The following PCSK2 variants were observed in gnomAD, a reference collection of about 807,000 sequenced individuals.
PCSK2 encodes the protein neuroendocrine convertase 2.
Under a neutral mutation model 69.7 loss-of-function variants are expected in PCSK2, and 14 were observed. The observed-to-expected ratio is 0.20, with a 90% confidence interval of 0.13 to 0.31. The LOEUF (loss-of-function observed/expected upper bound fraction) is 0.31. Among genes scored for constraint, PCSK2 ranks in the 10% least tolerant of loss-of-function variants. The pLI is 1.00. For synonymous variants in PCSK2, 307 were observed against 320.7 expected (o/e 0.96, Z 0.46); for missense variants, 544 against 842.5 (o/e 0.65, Z 4.39).
chr20:17,414,217 C>T lies in PCSK2; in HGVS notation c.620+4878C>T, dbSNP rs367871243. 5.8e-4 allele frequency among the ~76,000 whole-genome samples: 89 copies of T among 152,138 alleles called. 1 individual carries two copies. In the East Asian group the frequency reaches 0.016, roughly 28 times the overall value. ...CTGAAGGAGCTAGAGACACAAAAAA[C>T]CCTTCAAAAAAAATCGATGAATCCA... On this transcript the variant is annotated intron_variant, in intron 6 of 11. Transcript: ENST00000262545.
chr20:17,283,966 C>T (rs1042040708), intron 2 of PCSK2, among the ~76,000 whole-genome samples: 1 of 152,180 alleles, frequency 6.6e-6, no homozygotes. Context: ...CCAGAATCCA[C>T]ATTTCCCATA....
chr20:17,323,456 C>T (rs535387409), intron 2 of PCSK2, among the ~76,000 whole-genome samples: 1 of 152,198 alleles, frequency 6.6e-6, no homozygotes, highest in Admixed American at 6.5e-5. Context: ...TTCTCACAGC[C>T]CTAGCAAACT....
intron 6 of PCSK2, among the ~76,000 whole-genome samples, chr20:17,413,811 A>G (rs2031934155): frequency 6.6e-6 from 1 of 152,240 alleles, no homozygotes; most frequent in Non-Finnish European, 1.5e-5. Context: ...ATGTAAAAGA[A>G]AAGAAATCAC....
intron 2 of PCSK2, among the ~76,000 whole-genome samples, chr20:17,300,680 T>C: frequency 6.6e-6 from 1 of 152,322 alleles, no homozygotes; most frequent in African/African-American, 2.4e-5. Flanking sequence ...TATTTTTATT[T>C]TTCTCATTTC....
In PCSK2 at chr20:17,369,273, A is replaced by C; in HGVS notation, c.539A>C (p.Asn180Thr). The C allele has an allele frequency of 6.2e-7, 1 of 1,613,772 alleles. No individual in the cohort carries two copies. The highest frequency in any genetic ancestry group is 8.5e-7 in the Non-Finnish European group (1 of 1,179,686). ...TATCTCCACCCGGACCTGGCCTCCA[A>C]CTATGTAAGTACAAGCCAACTTTGG... Reference protein sequence around the residue: ...IDYLHPDLASNYNAEASYDFS... With the variant: ...IDYLHPDLASTYNAEASYDFS... The change falls in exon 5 of 12, where the codon AAC becomes ACC. Residue 180 changes from asparagine (N) to threonine (T), a missense_variant. By Grantham distance (65) the Asn-to-Thr change is moderately conservative. Around this residue, in one of 3 missense-constraint regions of PCSK2, gnomAD observed 187 missense variants for 399.8 expected, o/e 0.47. Coordinates refer to ENST00000262545, the MANE Select transcript of PCSK2 (RefSeq NM_002594.5).
In PCSK2 at chr20:17,402,523, C is replaced by T. The variant is rs149666673; in HGVS notation, c.544-6740C>T. Among the ~76,000 whole-genome samples, 68 of 152,144 alleles carry T rather than the reference C, an allele frequency of 4.5e-4. 1 individual carries two copies. Among genetic ancestry groups the T allele is most frequent in the African/African-American group, 1.4e-3 (58 of 41,510 alleles). On this transcript the variant is annotated intron_variant, in intron 5 of 11. Coordinates refer to ENST00000262545, the MANE Select transcript of PCSK2 (RefSeq NM_002594.5). ...CCGTCTCTACTAAAAATTAGCCAGGCATGGTGGCACACCTGTAATCCCAGC... is the reference window on the plus strand; with the variant it reads ...CCGTCTCTACTAAAAATTAGCCAGGTATGGTGGCACACCTGTAATCCCAGC...
At chr20:17,388,756 G>A (rs1487558608) in intron 5 of PCSK2, among the ~76,000 whole-genome samples, 1 of 152,140 alleles carries the variant, frequency 6.6e-6, no homozygotes, top group Non-Finnish European at 1.5e-5. Context: ...TAGCATTTAT[G>A]ATGCTTAATC....
chr20:17,288,427 G>A (rs908435008), intron 2 of PCSK2, among the ~76,000 whole-genome samples: 2 of 152,196 alleles, frequency 1.3e-5, no homozygotes, highest in Non-Finnish European at 2.9e-5. Flanking sequence ...TCTGGATGCT[G>A]GAGAAAGTCA....
chr20:17,436,693 T>A lies in PCSK2; in HGVS notation c.710-15T>A. 6.2e-7 allele frequency: 1 copy of A among 1,605,994 alleles called. No individual in the cohort carries two copies. The highest frequency in any genetic ancestry group is 8.5e-7 in the Non-Finnish European group (1 of 1,175,558). On this transcript the variant is annotated splice_polypyrimidine_tract_variant and intron_variant, in intron 7 of 11. Transcript: ENST00000262545. ...GGAACCCAAACATGGTGTCCTCTGCTCAACGTGTCCACAGGCATCCGGATG... is the reference window on the plus strand; with the variant it reads ...GGAACCCAAACATGGTGTCCTCTGCACAACGTGTCCACAGGCATCCGGATG...
At chr20:17,463,657 A>AACCCC in intron 10 of PCSK2, 1 of 55,046 alleles carries the variant, frequency 1.8e-5, no homozygotes, top group Non-Finnish European at 3.7e-5. Context: ...ATCCCTCCCC[A>AACCCC]TCCCCCCACC....
At chr20:17,421,807 T>TAAAAAAAAAAAAAAAAA (rs56376793) in intron 6 of PCSK2, among the ~76,000 whole-genome samples, 1 of 78,972 alleles carries the variant, frequency 1.3e-5, no homozygotes, top group Non-Finnish European at 2.3e-5. Flanking sequence ...GGAAGAGAGG[T>TAAAAAAAAAAAAAAAAA]AAAAAAAAAA....
chr20:17,369,984 G>A (rs1196230519), intron 5 of PCSK2, among the ~76,000 whole-genome samples: 1 of 152,154 alleles, frequency 6.6e-6, no homozygotes, highest in Non-Finnish European at 1.5e-5. Context: ...TGTTAGCAGA[G>A]AATCACCAAA....
At chr20:17,404,795 A>G (rs1443675786) in intron 5 of PCSK2, among the ~76,000 whole-genome samples, 1 of 152,240 alleles carries the variant, frequency 6.6e-6, no homozygotes, top group African/African-American at 2.4e-5. Flanking sequence ...GACATTGGTC[A>G]GGGATTGGCA....
At chr20:17,397,814 C>T (rs1385674397) in intron 5 of PCSK2, among the ~76,000 whole-genome samples, 2 of 152,166 alleles carry the variant, frequency 1.3e-5, no homozygotes, top group African/African-American at 4.8e-5. Context: ...CACACACTTT[C>T]TCTTGTTTTC....
At chr20:17,383,349 C>T (rs2031142033) in intron 5 of PCSK2, among the ~76,000 whole-genome samples, 1 of 152,100 alleles carries the variant, frequency 6.6e-6, no homozygotes, top group Non-Finnish European at 1.5e-5. Flanking sequence ...GACAATTTCC[C>T]CAGGAAATGA....
intron 1 of PCSK2, among the ~76,000 whole-genome samples, chr20:17,240,005 C>A (rs535579111): frequency 6.6e-6 from 1 of 151,816 alleles, no homozygotes; most frequent in East Asian, 1.9e-4. Flanking sequence ...AGGCGCACAC[C>A]ACCATACCCA....
At chr20:17,294,910 A>T (rs1252873765) in intron 2 of PCSK2, among the ~76,000 whole-genome samples, 2 of 152,050 alleles carry the variant, frequency 1.3e-5, no homozygotes, top group Non-Finnish European at 2.9e-5. Flanking sequence ...AGGTCTCTCA[A>T]CACTTCTTAC....
chr20:17,407,916 T>C (rs1265926429), intron 5 of PCSK2, among the ~76,000 whole-genome samples: 1 of 152,202 alleles, frequency 6.6e-6, no homozygotes, highest in Non-Finnish European at 1.5e-5. Flanking sequence ...TTTATTTAAA[T>C]AAATTAGCAT....
chr20:17,447,619 C>A (rs988813696), intron 8 of PCSK2, among the ~76,000 whole-genome samples: 1 of 151,822 alleles, frequency 6.6e-6, no homozygotes, highest in Non-Finnish European at 1.5e-5. Context: ...TTTTTTTCAC[C>A]CAGAATTTCC....
Sources: allele counts gnomAD v4.1 joint callset (sites outside exome capture counted in the v4.1 genomes callset), GRCh38; gene constraint gnomAD v4.1.1; regional missense constraint gnomAD v4.1.1; transcripts MANE v1.5; gene names NCBI Gene and HGNC (gene_info 2026-07-23, HGNC 2026-07-21).